The following PLPPR1 variants were observed in gnomAD, a reference collection of about 807,000 sequenced individuals.
The protein encoded by PLPPR1 is phospholipid phosphatase related 1.
PLPPR1 carries 10 observed loss-of-function variants against 33.1 expected under a neutral mutation model. That is an observed-to-expected ratio of 0.30 (90% CI 0.19 to 0.51). The LOEUF is 0.51. PLPPR1 is among the 20% of genes least tolerant of loss of function. The probability of loss-of-function intolerance (pLI) is 0.97; values close to 1 mark genes in which losing one functional copy is unlikely to be tolerated. For synonymous variants in PLPPR1, 151 were observed against 151.0 expected (o/e 1.00, Z 0.00); for missense variants, 304 against 408.1 (o/e 0.74, Z 2.20).
At chr9:101,094,037 T>C (rs1377645446) in intron 1 of PLPPR1, among the ~76,000 whole-genome samples, 1 of 152,202 alleles carries the variant, frequency 6.6e-6, no homozygotes, top group Non-Finnish European at 1.5e-5. Context: ...ATCATCATCA[T>C]CCATCTGAAT....
intron 5 of PLPPR1, among the ~76,000 whole-genome samples, chr9:101,310,845 T>C (rs1000031863): frequency 4.6e-5 from 7 of 152,158 alleles, no homozygotes; most frequent in African/African-American, 1.7e-4. Context: ...AAAAAGGACT[T>C]CAGCTGTCCC....
At chr9:101,242,810 T>C (rs373859440) in intron 2 of PLPPR1, among the ~76,000 whole-genome samples, 5 of 152,182 alleles carry the variant, frequency 3.3e-5, no homozygotes, top group Middle Eastern at 3.4e-3. Flanking sequence ...GTACTGAGGC[T>C]ACAATGATAA....
At chr9:101,261,449 A>T (rs1489801277) in intron 2 of PLPPR1, among the ~76,000 whole-genome samples, 1 of 152,136 alleles carries the variant, frequency 6.6e-6, no homozygotes, top group Non-Finnish European at 1.5e-5. Context: ...GCCTGTGGGC[A>T]CCTCTTTAGT....
chr9:101,040,194 G>A (rs1344022380), intron 1 of PLPPR1, among the ~76,000 whole-genome samples: 2 of 152,064 alleles, frequency 1.3e-5, no homozygotes, highest in Admixed American at 1.3e-4. Context: ...CCTTTCTCAA[G>A]CATAAAGATA....
At chr9:101,263,000 G>A (rs964604024) in intron 2 of PLPPR1, among the ~76,000 whole-genome samples, 3 of 151,932 alleles carry the variant, frequency 2.0e-5, no homozygotes, top group Non-Finnish European at 4.4e-5. Context: ...ACCAGGGCCT[G>A]TCAGTGGGTA....
chr9:101,309,664 T>C (rs1828922356), intron 5 of PLPPR1, among the ~76,000 whole-genome samples: 1 of 152,116 alleles, frequency 6.6e-6, no homozygotes, highest in South Asian at 2.1e-4. Context: ...TGCCAGAGGA[T>C]ATTAGTTCTG....
intron 6 of PLPPR1, among the ~76,000 whole-genome samples, chr9:101,316,903 C>T (rs1425222607): frequency 6.6e-6 from 1 of 152,122 alleles, no homozygotes; most frequent in Non-Finnish European, 1.5e-5. Flanking sequence ...GTTTCAATCT[C>T]TGTGTGACCT....
intron 2 of PLPPR1, among the ~76,000 whole-genome samples, chr9:101,251,117 A>G (rs1011900741): frequency 5.9e-5 from 9 of 152,078 alleles, no homozygotes; most frequent in Admixed American, 2.0e-4. Context: ...ATATCAAAAT[A>G]TGTTCAAAAT....
intron 1 of PLPPR1, among the ~76,000 whole-genome samples, chr9:101,035,090 C>G (rs944483440): frequency 6.6e-6 from 1 of 152,138 alleles, no homozygotes; most frequent in Non-Finnish European, 1.5e-5. Flanking sequence ...AGCTGTTTAG[C>G]AGATTGTTTT....
At chr9:101,159,163 A>G (rs897216744) in intron 1 of PLPPR1, among the ~76,000 whole-genome samples, 6 of 152,200 alleles carry the variant, frequency 3.9e-5, no homozygotes, top group African/African-American at 1.4e-4. Context: ...TAATCAGTGA[A>G]TTAATCTAGG....
chr9:101,313,042 T>C (rs952065414), intron 6 of PLPPR1, 68 bp downstream of exon 6: 15 of 1,403,702 alleles, frequency 1.1e-5, no homozygotes, highest in African/African-American at 1.4e-5. Flanking sequence ...GAGTCAGGTT[T>C]CCCAGACTTC....
At chr9:101,154,537 TGTGG>T (rs1831648123) in intron 1 of PLPPR1, among the ~76,000 whole-genome samples, 1 of 152,190 alleles carries the variant, frequency 6.6e-6, no homozygotes, top group South Asian at 2.1e-4. Flanking sequence ...TCTGTATTTC[TGTGG>T]GATCAGTGGT....
chr9:101,075,274 T>G (rs1367229867), intron 1 of PLPPR1, among the ~76,000 whole-genome samples: 1 of 152,218 alleles, frequency 6.6e-6, no homozygotes, highest in African/African-American at 2.4e-5. Flanking sequence ...AAAATAAATT[T>G]GAATTCTGCT....
chr9:101,151,523 A>G (rs1831585270), intron 1 of PLPPR1, among the ~76,000 whole-genome samples: 1 of 152,224 alleles, frequency 6.6e-6, no homozygotes, highest in South Asian at 2.1e-4. Flanking sequence ...AGAATCATAC[A>G]GAATAGCAGA....
intron 4 of PLPPR1, among the ~76,000 whole-genome samples, chr9:101,299,648 G>A (rs146346189): frequency 1.8e-3 from 280 of 152,260 alleles, no homozygotes; most frequent in African/African-American, 6.3e-3. Context: ...CTTAGCTCTA[G>A]TGTTGAGAGG....
At chr9:101,058,359 T>G (rs1410064447) in intron 1 of PLPPR1, among the ~76,000 whole-genome samples, 1 of 146,518 alleles carries the variant, frequency 6.8e-6, no homozygotes, top group Non-Finnish European at 1.5e-5. Flanking sequence ...TGAGTGAGAC[T>G]CTGAGGAGGT....
chr9:101,086,173 G>T (rs1034190336), intron 1 of PLPPR1, among the ~76,000 whole-genome samples: 16 of 152,082 alleles, frequency 1.1e-4, no homozygotes, highest in Admixed American at 7.2e-4. Flanking sequence ...GAACACTGAG[G>T]ACATTTATCT....
At chr9:101,209,060 C>T (rs939413780) in intron 2 of PLPPR1, among the ~76,000 whole-genome samples, 2 of 152,184 alleles carry the variant, frequency 1.3e-5, no homozygotes, top group Admixed American at 6.5e-5. Context: ...GGGTCCCAGA[C>T]CAGTAGCATC....
intron 2 of PLPPR1, chr9:101,187,890 A>C (rs1826231058): frequency 6.6e-6 from 1 of 152,018 alleles, no homozygotes; most frequent in Non-Finnish European, 1.5e-5. Context: ...ATTGTCCTGA[A>C]GCCAGAAGTC....
Sources: gnomAD v4.1 joint callset for allele counts (sites outside exome capture counted in the v4.1 genomes callset) on GRCh38, gnomAD v4.1.1 for gene constraint, MANE v1.5 for transcripts, NCBI Gene and HGNC (gene_info 2026-07-23, HGNC 2026-07-21) for gene names.